The following NSG2 variants were observed in gnomAD, a reference collection of about 807,000 sequenced individuals.
The protein encoded by NSG2 is neuronal vesicle trafficking associated 2, also known as neuronal vesicle trafficking-associated protein 2.
A neutral mutation model predicts 16.9 loss-of-function variants in NSG2; 4 were observed. The ratio of observed to expected loss-of-function variants is 0.24; its 90% CI spans 0.12 to 0.54. NSG2 has a LOEUF of 0.54. NSG2 is among the 20% of genes least tolerant of loss of function. The probability of loss-of-function intolerance (pLI) is 0.95; values close to 1 mark genes in which losing one functional copy is unlikely to be tolerated. For missense variants in NSG2, 179 were observed against 221.1 expected (o/e 0.81, Z 1.21); for synonymous variants, 98 against 88.7 (o/e 1.11, Z -0.59).
chr5:174,085,843 G>T (rs886996185), intron 3 of NSG2, among the ~76,000 whole-genome samples: 5 of 152,214 alleles, frequency 3.3e-5, no homozygotes, highest in Non-Finnish European at 5.9e-5. Flanking sequence ...GCTGTGCGAG[G>T]CTAGGAAGTC....
chr5:174,078,471 T>C (rs1490966400), intron 3 of NSG2, among the ~76,000 whole-genome samples: 1 of 152,216 alleles, frequency 6.6e-6, no homozygotes, highest in African/African-American at 2.4e-5. Context: ...CAGAGGATGT[T>C]TCATCATCTT....
intron 2 of NSG2, among the ~76,000 whole-genome samples, chr5:174,053,726 T>G (rs78236127): frequency 2.1e-4 from 32 of 152,136 alleles, no homozygotes; most frequent in African/African-American, 7.2e-4. Context: ...AAAAATACCT[T>G]ATAATTTAAA....
chr5:174,100,002 A>C (rs955138721), intron 3 of NSG2, among the ~76,000 whole-genome samples: 1 of 152,094 alleles, frequency 6.6e-6, no homozygotes, highest in Admixed American at 6.5e-5. Flanking sequence ...ACCTCCCCAG[A>C]CTCTTAGGGA....
At chr5:174,085,793 A>T (rs1055584257) in intron 3 of NSG2, among the ~76,000 whole-genome samples, 3 of 152,238 alleles carry the variant, frequency 2.0e-5, no homozygotes, top group Non-Finnish European at 4.4e-5. Flanking sequence ...GCCTAGGTGT[A>T]TTGAGCAAAT....
chr5:174,049,490 T>C (rs1240037138), intron 2 of NSG2, among the ~76,000 whole-genome samples: 1 of 152,246 alleles, frequency 6.6e-6, no homozygotes, highest in African/African-American at 2.4e-5. Flanking sequence ...TGCAATTTTC[T>C]TTCTTCTTCT....
rs1159281625 is a variant in NSG2, at chr5:174,084,227, C to T, written c.213+19912C>T. Reference sequence around the variant, plus strand: ...TTGTGGAGAAACCAAGCAAAGTGCTCAGGGCAGAATTGGGCACAGTGTGAA... The same window carrying T: ...TTGTGGAGAAACCAAGCAAAGTGCTTAGGGCAGAATTGGGCACAGTGTGAA... On this transcript the variant is annotated intron_variant, in intron 3 of 4. Transcript: ENST00000303177. The T allele has an allele frequency of 2.0e-5, 3 of 152,172 alleles. No homozygotes were observed. In the East Asian group the frequency reaches 5.8e-4, roughly 29 times the overall value. 9.4% of individuals were successfully genotyped at this position (152,172 alleles called of 1,614,324 possible).
intron 3 of NSG2, among the ~76,000 whole-genome samples, chr5:174,094,987 G>A (rs1760773489): frequency 6.6e-6 from 1 of 152,208 alleles, no homozygotes; most frequent in Admixed American, 6.5e-5. Context: ...AGTGCTAAGT[G>A]GTAGATGGAT....
At chr5:174,094,798 C>A (rs961488015) in intron 3 of NSG2, among the ~76,000 whole-genome samples, 1 of 152,176 alleles carries the variant, frequency 6.6e-6, no homozygotes, top group Non-Finnish European at 1.5e-5. Context: ...ACAGTTAAGA[C>A]GGGTCCTGAA....
At chr5:174,087,776 A>C (rs901403212) in intron 3 of NSG2, among the ~76,000 whole-genome samples, 27 of 151,828 alleles carry the variant, frequency 1.8e-4, no homozygotes, top group African/African-American at 6.3e-4. Flanking sequence ...TAACAGAGGG[A>C]GACCCTGTGT....
intron 2 of NSG2, among the ~76,000 whole-genome samples, chr5:174,048,274 C>T (rs947833218): frequency 6.6e-6 from 1 of 152,196 alleles, no homozygotes; most frequent in African/African-American, 2.4e-5. Context: ...GATTTTGAAA[C>T]TCCTGCTTTC....
chr5:174,101,865 T>C (rs1296881661), intron 3 of NSG2, among the ~76,000 whole-genome samples: 1 of 152,170 alleles, frequency 6.6e-6, no homozygotes, highest in African/African-American at 2.4e-5. Context: ...AAATAGGAGT[T>C]TCCTAGGGTG....
At chr5:174,058,163 A>G (rs1759994044) in intron 2 of NSG2, among the ~76,000 whole-genome samples, 1 of 152,128 alleles carries the variant, frequency 6.6e-6, no homozygotes, top group South Asian at 2.1e-4. Context: ...AGATGTTGAG[A>G]GTGAGGTGGC....
intron 4 of NSG2, among the ~76,000 whole-genome samples, chr5:174,106,635 C>T (rs1421573313): frequency 4.3e-5 from 6 of 138,076 alleles, no homozygotes; most frequent in Non-Finnish European, 9.1e-5. Context: ...CACTCTGTCG[C>T]CCACGCTGGA....
chr5:174,078,941 A>ACACG (rs1429635259), intron 3 of NSG2, among the ~76,000 whole-genome samples: 1 of 152,186 alleles, frequency 6.6e-6, no homozygotes, highest in Non-Finnish European at 1.5e-5. Flanking sequence ...GGACTAAGAC[A>ACACG]CACGCACACA....
intron 3 of NSG2, among the ~76,000 whole-genome samples, chr5:174,078,456 G>A (rs1026397521): frequency 6.6e-6 from 1 of 152,164 alleles, no homozygotes. Flanking sequence ...GTTAATGGTT[G>A]TAGACAGAGG....
intron 3 of NSG2, among the ~76,000 whole-genome samples, chr5:174,079,679 T>C (rs1033989758): frequency 6.6e-6 from 1 of 152,240 alleles, no homozygotes; most frequent in African/African-American, 2.4e-5. Context: ...CCTCCTGATT[T>C]GTGTTGCTAC....
At chr5:174,051,095 TG>T (rs1216064058) in intron 2 of NSG2, among the ~76,000 whole-genome samples, 6 of 152,104 alleles carry the variant, frequency 3.9e-5, no homozygotes, top group Middle Eastern at 3.2e-3. Context: ...CGGTGCTCCA[TG>T]GGGGCGATTC....
intron 3 of NSG2, among the ~76,000 whole-genome samples, chr5:174,103,020 C>G (rs1027281829): frequency 6.7e-6 from 1 of 149,346 alleles, no homozygotes; most frequent in Non-Finnish European, 1.5e-5. Context: ...AACTCCTGAC[C>G]TCAAGTGATC....
At chr5:174,085,728 C>T (rs80099774) in intron 3 of NSG2, among the ~76,000 whole-genome samples, 4,263 of 152,176 alleles carry the variant, frequency 0.028, 209 homozygotes, top group African/African-American at 0.097. Flanking sequence ...TTTTCCCAAA[C>T]GCTAGTGATT....
Sources: allele counts gnomAD v4.1 joint callset (sites outside exome capture counted in the v4.1 genomes callset), GRCh38; gene constraint gnomAD v4.1.1; transcripts MANE v1.5; gene names NCBI Gene and HGNC (gene_info 2026-07-23, HGNC 2026-07-21).